Variants in LRP4 observed in about 807,000 individuals in gnomAD.
The protein encoded by LRP4 is low-density lipoprotein receptor-related protein 4.
LRP4 carries 95 observed loss-of-function variants against 220.3 expected under a neutral mutation model. The observed-to-expected ratio is 0.43, with a 90% CI of 0.37 to 0.51. LRP4 has a LOEUF of 0.51. Among genes scored for constraint, LRP4 ranks in the 20% least tolerant of loss-of-function variants. The pLI is 0.00. For missense variants in LRP4, 1,925 were observed against 2,567.0 expected (o/e 0.75, Z 5.40); for synonymous variants, 903 against 954.6 (o/e 0.95, Z 1.00).
chr11:46,906,786 C>T (rs558286661), intron 1 of LRP4, among the ~76,000 whole-genome samples: 11 of 152,156 alleles, frequency 7.2e-5, no homozygotes, highest in Non-Finnish European at 1.6e-4. Flanking sequence ...ATTTCCCCCG[C>T]GCAGACTGTA....
At chr11:46,908,227 G>C (rs1369193466) in intron 1 of LRP4, among the ~76,000 whole-genome samples, 1 of 152,152 alleles carries the variant, frequency 6.6e-6, no homozygotes, top group Non-Finnish European at 1.5e-5. Flanking sequence ...ACTGCGCCTG[G>C]CCCCATCATT....
At chr11:46,896,468 G>C in intron 8 of LRP4, 133 bp from the exon 9 acceptor site, 1 of 1,111,462 alleles carries the variant, frequency 9.0e-7, no homozygotes, top group Admixed American at 1.8e-5. Flanking sequence ...TGGGCAGGAA[G>C]CAGCTCAGAC....
Position 46,890,322 on chromosome 11 carries a change from T to G in LRP4, c.1870A>C (p.Arg624=). Residue 624 remains arginine (R), a synonymous_variant, in exon 14 of 38, where the codon AGG becomes CGG. Transcript: ENST00000378623. This position sits in a 1 kb window ranked among gnomAD's most constrained non-coding sequence, Gnocchi z 5.3. ...CGGTGACTCCCATCCAGATTGGCCC[T>G]CTCGATGACATGGTGCTTAGCATCC... ...WVDAKHHVIE[R]ANLDGSHRKA... 6.2e-7 allele frequency: 1 copy of G among 1,614,080 alleles called. No individual in the cohort carries two copies. Among genetic ancestry groups the G allele is most frequent in the Non-Finnish European group, 8.5e-7 (1 of 1,180,016 alleles).
In LRP4 at chr11:46,899,678, T is replaced by G. The variant is rs552055766; in HGVS notation, c.431-175A>C. ...ACGGAGGCCCTGGAGAGACTGGGCC[T>G]CAGCCTCCTGGTCCACAGTTTCTGG... On this transcript the variant is annotated intron_variant, in intron 4 of 37. Transcript: ENST00000378623. This position sits in a 1 kb window ranked among gnomAD's most constrained non-coding sequence, Gnocchi z 5.9. 2.6e-5 allele frequency among the ~76,000 whole-genome samples: 4 copies of G among 152,320 alleles called. No homozygotes were observed. The East Asian group carries it at 7.7e-4, about 29-fold the overall frequency.
At chr11:46,868,326 A>G (rs1169094455) in intron 33 of LRP4, among the ~76,000 whole-genome samples, 1 of 152,124 alleles carries the variant, frequency 6.6e-6, no homozygotes, top group East Asian at 1.9e-4. Context: ...CCAGTCAGGA[A>G]GAGAGAGTGA....
At chr11:46,897,301 G>A (rs1268796038) in intron 7 of LRP4, among the ~76,000 whole-genome samples, 1 of 143,768 alleles carries the variant, frequency 7.0e-6, no homozygotes, top group Admixed American at 6.9e-5. Context: ...CTTACCCAGT[G>A]TCTTCAAGAT....
At chr11:46,881,630 T>C in intron 20 of LRP4, 72 bp downstream of exon 20, 3 of 1,451,024 alleles carry the variant, frequency 2.1e-6, no homozygotes, top group South Asian at 1.1e-5. Context: ...AAAAGTACTG[T>C]CCTGGAGGCT....
intron 1 of LRP4, among the ~76,000 whole-genome samples, chr11:46,909,284 G>C (rs1017085777): frequency 6.6e-6 from 1 of 151,946 alleles, no homozygotes; most frequent in Non-Finnish European, 1.5e-5. Context: ...GGCTACCCCA[G>C]TGTGGAAGCT....
At position 46,899,613 on chromosome 11, in the gene LRP4, C is replaced by G; in HGVS notation, c.431-110G>C. ...GCTTTGGCGGGTCTGACCTAGCCCC[C>G]GAAAGGCACCCCAGAGTCAGTGCAG... On this transcript the variant is annotated intron_variant, in intron 4 of 37. Coordinates refer to ENST00000378623, the MANE Select transcript of LRP4 (RefSeq NM_002334.4). The surrounding 1 kb of genome is among the most constrained non-coding windows in gnomAD (Gnocchi z 5.9). 1 of 839,416 alleles carries G rather than the reference C, an allele frequency of 1.2e-6. No individual in the cohort carries two copies. Among genetic ancestry groups the G allele is most frequent in the African/African-American group, 1.6e-5 (1 of 60,748 alleles). The allele number at this position is 839,416 out of a possible 1,614,324, so 52.0% of individuals were successfully genotyped here.
At chr11:46,860,848 G>T (rs1940525680) in intron 37 of LRP4, 3 of 393,924 alleles carry the variant, frequency 7.6e-6, no homozygotes, top group Admixed American at 6.4e-5. Context: ...GACACGCTGG[G>T]TAAGTTAGGG....
chr11:46,898,911 A>C lies in LRP4; in HGVS notation c.669T>G (p.Ser223=), dbSNP rs943077889. 2.5e-6 allele frequency: 4 copies of C among 1,613,646 alleles called. No homozygotes were observed. In the African/African-American group the frequency reaches 5.3e-5, roughly 22 times the overall value. Reference sequence around the variant, plus strand: ...GCTGGCCAGAGTACTCACAGCAGTCAGACTCGTCTGACCAGTCTCCACAGT... The same window carrying C: ...GCTGGCCAGAGTACTCACAGCAGTCCGACTCGTCTGACCAGTCTCCACAGT... ...DDDCGDWSDE[S]DCSSHQPCRS... The change falls in exon 6 of 38, where the codon TCT becomes TCG. Residue 223 remains serine, a synonymous_variant. Transcript: ENST00000378623.
At chr11:46,888,041 A>AAAAAAAAAAAAAG (rs1941336852) in intron 16 of LRP4, among the ~76,000 whole-genome samples, 1 of 131,102 alleles carries the variant, frequency 7.6e-6, no homozygotes, top group African/African-American at 2.6e-5. Context: ...AAAAAAAAAA[A>AAAAAAAAAAAAAG]GGCCGGGGGC....
Position 46,899,038 on chromosome 11 carries a change from G to T in LRP4, c.548-6C>A, listed in dbSNP as rs762073483. On this transcript the variant is annotated splice_polypyrimidine_tract_variant and splice_region_variant and intron_variant, in intron 5 of 37. Coordinates refer to ENST00000378623, the MANE Select transcript of LRP4 (RefSeq NM_002334.4). The surrounding 1 kb of genome is among the most constrained non-coding windows in gnomAD (Gnocchi z 5.9). Reference sequence around the variant, plus strand: ...GGGCGCTGGCACTGCTGAGGCTGGAGGGAAGGCAGGGGTGGGGAGGGGCAC... The same window carrying T: ...GGGCGCTGGCACTGCTGAGGCTGGATGGAAGGCAGGGGTGGGGAGGGGCAC... The T allele has an allele frequency of 6.2e-7, 1 of 1,610,274 alleles. No individual in the cohort carries two copies. Among genetic ancestry groups the T allele is most frequent in the Non-Finnish European group, 8.5e-7 (1 of 1,177,676 alleles).
intron 36 of LRP4, among the ~76,000 whole-genome samples, chr11:46,863,999 C>T (rs1301493029): frequency 6.6e-6 from 1 of 152,180 alleles, no homozygotes; most frequent in Non-Finnish European, 1.5e-5. Context: ...ATGACACATT[C>T]TACCTTTCCA....
chr11:46,865,840 T>C (rs190948324), intron 34 of LRP4, among the ~76,000 whole-genome samples: 2 of 152,228 alleles, frequency 1.3e-5, no homozygotes, highest in Admixed American at 1.3e-4. Context: ...GTTTTCTAAA[T>C]AAACCTAAAG....
rs1457112224 is a variant in LRP4, at chr11:46,864,546, T to C, written c.5156-11A>G. ...TATGAAGTCCTTCCCCTAGGAAGAATAGAGAAACACTAGGCAGGGGCCACC... is the reference window on the plus strand; with the variant it reads ...TATGAAGTCCTTCCCCTAGGAAGAACAGAGAAACACTAGGCAGGGGCCACC... On this transcript the variant is annotated splice_polypyrimidine_tract_variant and intron_variant, in intron 35 of 37. Coordinates refer to ENST00000378623, the MANE Select transcript of LRP4 (RefSeq NM_002334.4). 6.3e-7 allele frequency: 1 copy of C among 1,582,876 alleles called. No homozygotes were observed. Among genetic ancestry groups the C allele is most frequent in the East Asian group, 2.2e-5 (1 of 44,722 alleles).
At chr11:46,880,950 T>A in intron 20 of LRP4, among the ~76,000 whole-genome samples, 1 of 149,996 alleles carries the variant, frequency 6.7e-6, no homozygotes, top group African/African-American at 2.5e-5. Flanking sequence ...GGCTCATGCG[T>A]GTAGTCTCAG....
chr11:46,881,999 A>T, intron 19 of LRP4, 96 bp from the exon 20 acceptor site: 2 of 1,195,828 alleles, frequency 1.7e-6, no homozygotes, highest in Non-Finnish European at 2.4e-6. Context: ...CCTGAAGCAG[A>T]TCCTCATCAG....
At chr11:46,864,629 G>T in intron 35 of LRP4, 94 bp from the exon 36 acceptor site, 1 of 853,730 alleles carries the variant, frequency 1.2e-6, no homozygotes, top group Non-Finnish European at 2.0e-6. Context: ...TCCTTTTGTA[G>T]GTGTTGGACC....
Sources: allele counts gnomAD v4.1 joint callset (sites outside exome capture counted in the v4.1 genomes callset), GRCh38; gene constraint gnomAD v4.1.1; non-coding constraint Gnocchi (gnomAD v3.1); transcripts MANE v1.5; gene names NCBI Gene and HGNC (gene_info 2026-07-23, HGNC 2026-07-21).